Variants in HERPUD2 observed in about 807,000 individuals in gnomAD.
HERPUD2 encodes homocysteine-responsive endoplasmic reticulum-resident ubiquitin-like domain member 2 protein.
Under a neutral mutation model 49.9 loss-of-function variants are expected in HERPUD2, and 13 were observed. The ratio of observed to expected loss-of-function variants is 0.26; its 90% CI spans 0.17 to 0.41. The LOEUF is 0.41. Ranked by LOEUF, HERPUD2 falls within the 10% of genes least tolerant of loss-of-function variation. The pLI, the probability that HERPUD2 is intolerant of heterozygous loss-of-function variation, is 1.00. For synonymous variants in HERPUD2, 172 were observed against 171.4 expected (o/e 1.00, Z -0.03); for missense variants, 449 against 492.2 (o/e 0.91, Z 0.83).
chr7:35,645,673 T>C (rs1203294190), intron 5 of HERPUD2, among the ~76,000 whole-genome samples: 1 of 152,208 alleles, frequency 6.6e-6, no homozygotes, highest in Non-Finnish European at 1.5e-5. Flanking sequence ...TTTGTTAATA[T>C]TGTTTCACTT....
intron 1 of HERPUD2, 22 bp from the exon 2 acceptor site, chr7:35,694,649 G>A (rs1259102746): frequency 3.8e-5 from 13 of 344,976 alleles, no homozygotes; most frequent in Admixed American, 1.6e-4. Context: ...AAGGGTGGGA[G>A]GGATGAGGGC....
intron 5 of HERPUD2, among the ~76,000 whole-genome samples, chr7:35,644,256 T>G (rs557005660): frequency 1.4e-5 from 2 of 140,890 alleles, no homozygotes; most frequent in African/African-American, 5.2e-5. Context: ...ATAATTCCTT[T>G]AAAAAAAAAA....
At chr7:35,673,102 T>C in intron 3 of HERPUD2, 99 bp downstream of exon 3, 1 of 805,612 alleles carries the variant, frequency 1.2e-6, no homozygotes, top group South Asian at 1.7e-5. Context: ...GGATTGATTT[T>C]AAGTATCTAA....
At chr7:35,673,928 A>G (rs1583562482) in intron 2 of HERPUD2, among the ~76,000 whole-genome samples, 1 of 152,306 alleles carries the variant, frequency 6.6e-6, no homozygotes, top group Non-Finnish European at 1.5e-5. Context: ...GTCAGTTGCC[A>G]TCTCTATACG....
At chr7:35,651,077 TTGGCAAC>T (rs1294908939) in intron 5 of HERPUD2, among the ~76,000 whole-genome samples, 1 of 152,182 alleles carries the variant, frequency 6.6e-6, no homozygotes, top group Non-Finnish European at 1.5e-5. Flanking sequence ...ACCTGTGGGC[TTGGCAAC>T]TGGCCCACCC....
chr7:35,692,145 G>A (rs1306458994), intron 2 of HERPUD2, among the ~76,000 whole-genome samples: 1 of 152,170 alleles, frequency 6.6e-6, no homozygotes, highest in East Asian at 1.9e-4. Flanking sequence ...AGGCAGTTTG[G>A]GAAGGAGTTC....
chr7:35,682,351 GTGTGTGTATATA>G lies in HERPUD2; in HGVS notation c.148-9085_148-9074del, dbSNP rs1263275928. Among the ~76,000 whole-genome samples the G allele has an allele frequency of 1.6e-3, 46 of 28,720 alleles. 5 individuals are homozygous for G. Among genetic ancestry groups the G allele is most frequent in the South Asian group, 5.1e-3 (4 of 786 alleles). The allele number at this position is 28,720 out of a possible 152,430, so 18.8% of individuals were successfully genotyped here. On this transcript the variant is annotated intron_variant, in intron 2 of 8. Transcript: ENST00000311350. ...CGTGTGTGTGTGTGTGTGTGTGTGT[GTGTGTGTATATA>G]TATATATATATATATATATATATAC... is the stretch of plus-strand genomic sequence containing the variant.
intron 7 of HERPUD2, 48 bp downstream of exon 7, chr7:35,635,087 G>C: frequency 1.4e-6 from 2 of 1,390,204 alleles, no homozygotes; most frequent in Non-Finnish European, 2.0e-6. Flanking sequence ...ATTCTGTGCT[G>C]AACAGTTGCA....
At chr7:35,686,353 A>G (rs1358685957) in intron 2 of HERPUD2, among the ~76,000 whole-genome samples, 3 of 148,872 alleles carry the variant, frequency 2.0e-5, no homozygotes, top group Non-Finnish European at 4.4e-5. Context: ...ACGCCCGGCT[A>G]ATTTTTTATA....
intron 5 of HERPUD2, among the ~76,000 whole-genome samples, chr7:35,659,075 CA>C (rs1484005350): frequency 6.6e-6 from 1 of 152,180 alleles, no homozygotes; most frequent in African/African-American, 2.4e-5. Context: ...ACAACACATG[CA>C]GACTAGCTAA....
At chr7:35,634,251 G>T in intron 8 of HERPUD2, 61 bp downstream of exon 8, 2 of 1,005,496 alleles carry the variant, frequency 2.0e-6, no homozygotes, top group Non-Finnish European at 3.2e-6. Context: ...CATCATGTTG[G>T]TCCCATACCG....
chr7:35,645,594 A>G (rs1325377782), intron 5 of HERPUD2, among the ~76,000 whole-genome samples: 1 of 152,186 alleles, frequency 6.6e-6, no homozygotes, highest in Non-Finnish European at 1.5e-5. Flanking sequence ...GTGACTTTAA[A>G]CAAAATGATG....
intron 5 of HERPUD2, among the ~76,000 whole-genome samples, chr7:35,652,738 A>C (rs1465180419): frequency 6.6e-6 from 1 of 151,936 alleles, no homozygotes; most frequent in Non-Finnish European, 1.5e-5. Flanking sequence ...AAGGAAAGGA[A>C]GGAACGTTTC....
Position 35,694,232 on chromosome 7 carries a change from G to A in HERPUD2, c.99C>T (p.Thr33=). ...ATAGATGCGTTTTTAGTTTCCCCAC[G>A]GTCCAGTTCAAGAAGCAGCTAATAG... ...DQTISCFLNW[T]VGKLKTHLSN... The change falls in exon 2 of 9, where the codon ACC becomes ACT. Residue 33 remains threonine (T), a synonymous_variant. Coordinates refer to ENST00000311350, the MANE Select transcript of HERPUD2 (RefSeq NM_022373.5). The A allele has an allele frequency of 1.9e-6, 3 of 1,614,026 alleles. No individual in the cohort carries two copies. Among genetic ancestry groups the A allele is most frequent in the Non-Finnish European group, 1.7e-6 (2 of 1,180,008 alleles).
chr7:35,691,194 G>T (rs1196855097), intron 2 of HERPUD2, among the ~76,000 whole-genome samples: 1 of 152,092 alleles, frequency 6.6e-6, no homozygotes, highest in African/African-American at 2.4e-5. Context: ...AGGGGGAGGG[G>T]TACATTTGTT....
intron 8 of HERPUD2, 86 bp from the exon 9 acceptor site, chr7:35,633,937 C>A: frequency 1.5e-6 from 2 of 1,370,032 alleles, no homozygotes; most frequent in Admixed American, 2.2e-5. Context: ...CTTTGTAGAA[C>A]AAAGGACTAT....
chr7:35,649,484 G>A (rs1435019037), intron 5 of HERPUD2, among the ~76,000 whole-genome samples: 2 of 152,144 alleles, frequency 1.3e-5, no homozygotes, highest in African/African-American at 4.8e-5. Flanking sequence ...ACGAGTGACC[G>A]ATGGTCTGTG....
intron 5 of HERPUD2, among the ~76,000 whole-genome samples, chr7:35,661,172 A>C (rs1785411520): frequency 3.9e-5 from 6 of 152,068 alleles, no homozygotes; most frequent in Non-Finnish European, 8.8e-5. Context: ...CAGGTTTGTG[A>C]AAGATCAGAT....
At chr7:35,650,484 T>A (rs2115876609) in intron 5 of HERPUD2, among the ~76,000 whole-genome samples, 1 of 152,082 alleles carries the variant, frequency 6.6e-6, no homozygotes, top group Non-Finnish European at 1.5e-5. Context: ...TCCTAATTCC[T>A]AAGTAGCTAC....
Sources: allele counts gnomAD v4.1 joint callset (sites outside exome capture counted in the v4.1 genomes callset), GRCh38; gene constraint gnomAD v4.1.1; transcripts MANE v1.5; gene names NCBI Gene and HGNC (gene_info 2026-07-23, HGNC 2026-07-21).